The following CCDC6 variants were observed in gnomAD, a reference collection of about 807,000 sequenced individuals.
The protein encoded by CCDC6 is coiled-coil domain containing 6, also known as coiled-coil domain-containing protein 6.
Under a neutral mutation model 56.6 loss-of-function variants are expected in CCDC6, and 20 were observed. That is an observed-to-expected ratio of 0.35 (90% confidence interval 0.25 to 0.51). CCDC6 has a LOEUF of 0.51. CCDC6 is among the 20% of genes least tolerant of loss of function. The pLI is 0.95. For missense variants in CCDC6, 367 were observed against 601.1 expected, an observed-to-expected ratio of 0.61 and a Z score of 4.07; for synonymous variants, 241 against 234.4, an observed-to-expected ratio of 1.03 and a Z score of -0.26.
At chr10:59,860,488 G>A (rs1210457331) in intron 1 of CCDC6, among the ~76,000 whole-genome samples, 1 of 152,144 alleles carries the variant, frequency 6.6e-6, no homozygotes, top group African/African-American at 2.4e-5. Context: ...TGCTGAAGAA[G>A]GGGCCAGGGC....
Position 59,792,987 on chromosome 10 carries a change from G to A in CCDC6, c.1355C>T (p.Thr452Met), listed in dbSNP as rs756667785. The change falls in exon 9 of 9, where the codon ACG becomes ATG. Residue 452 changes from threonine to methionine, a missense_variant. By Grantham distance (81) the Thr-to-Met change is moderately conservative. This residue lies in a region of CCDC6 where 54 missense variants were observed against 60.0 expected (regional missense o/e 0.90). Coordinates refer to ENST00000263102, the MANE Select transcript of CCDC6 (RefSeq NM_005436.5). ...CTGCGAGGTGGCTGCTGAGGGGACCGTGGGCTGCATGGGTGGCGGAGGTGG... is the reference window on the plus strand; with the variant it reads ...CTGCGAGGTGGCTGCTGAGGGGACCATGGGCTGCATGGGTGGCGGAGGTGG... ...PPPPPPPMQP[T>M]VPSAATSQPT... 9.3e-6 allele frequency: 15 copies of A among 1,612,988 alleles called. No individual in the cohort carries two copies. The highest frequency in any genetic ancestry group is 6.7e-5 in the Admixed American group (4 of 59,950).
intron 2 of CCDC6, 58 bp from the exon 3 acceptor site, chr10:59,832,711 A>C: frequency 1.3e-6 from 2 of 1,567,816 alleles, no homozygotes; most frequent in Middle Eastern, 3.4e-4. Flanking sequence ...CCATGGAAAC[A>C]CTGGCTCCAA....
rs2071449751 is a variant in CCDC6, at chr10:59,894,780, G to A, written c.303+11342C>T. Among the ~76,000 whole-genome samples the A allele has an allele frequency of 2.0e-5, 3 of 152,100 alleles. No individual in the cohort carries two copies. The South Asian group carries it at 6.2e-4, about 32-fold the overall frequency. On this transcript the variant is annotated intron_variant, in intron 1 of 8. Coordinates refer to ENST00000263102, the MANE Select transcript of CCDC6 (RefSeq NM_005436.5). ...GAGTGGAGTAGACCAAGGCCCAACT[G>A]GAGGGCAACTGAGCCAGGAAGGGGA...
intron 1 of CCDC6, among the ~76,000 whole-genome samples, chr10:59,902,388 CTTTTTTTTTTTTTTT>C (rs35175510): frequency 2.3e-5 from 2 of 88,422 alleles, no homozygotes; most frequent in African/African-American, 4.3e-5. Context: ...AACAGTAACT[CTTTTTTTTTTTTTTT>C]TTTTTTTTGA....
At chr10:59,901,523 T>C (rs952538915) in intron 1 of CCDC6, among the ~76,000 whole-genome samples, 1 of 152,244 alleles carries the variant, frequency 6.6e-6, no homozygotes, top group African/African-American at 2.4e-5. Context: ...TATTTTTCTA[T>C]TATAACTTCA....
chr10:59,877,337 A>G (rs1371853091), intron 1 of CCDC6, among the ~76,000 whole-genome samples: 1 of 152,226 alleles, frequency 6.6e-6, no homozygotes, highest in African/African-American at 2.4e-5. Flanking sequence ...ATATGACTCA[A>G]CGTAGTACAG....
intron 1 of CCDC6, among the ~76,000 whole-genome samples, chr10:59,878,056 A>G (rs1225745020): frequency 6.6e-6 from 1 of 152,186 alleles, no homozygotes; most frequent in East Asian, 1.9e-4. Flanking sequence ...TTTCAATGGA[A>G]TAAATGGCCA....
intron 1 of CCDC6, among the ~76,000 whole-genome samples, chr10:59,889,129 G>A (rs1416102579): frequency 6.6e-6 from 1 of 152,174 alleles, no homozygotes. Flanking sequence ...ATCCCAAGAT[G>A]CTCCCCACTG....
In CCDC6 at chr10:59,800,528, G is replaced by A. The variant is rs190120846; in HGVS notation, c.1105+3892C>T. Among the ~76,000 whole-genome samples the A allele has an allele frequency of 3.3e-5, 5 of 151,920 alleles. No individual in the cohort carries two copies. The East Asian group carries it at 9.7e-4, about 29-fold the overall frequency. ...CAGTATTCCATTGAATAGACATACT[G>A]CCATTTGTTTAACTACATAACTTTT... On this transcript the variant is annotated intron_variant, in intron 7 of 8. Transcript: ENST00000263102.
intron 1 of CCDC6, among the ~76,000 whole-genome samples, chr10:59,897,620 T>C (rs1227712552): frequency 6.6e-6 from 1 of 152,194 alleles, no homozygotes; most frequent in Non-Finnish European, 1.5e-5. Context: ...AAAAGTTATC[T>C]ATATGAAACT....
intron 1 of CCDC6, among the ~76,000 whole-genome samples, chr10:59,875,273 T>A (rs1627152): frequency 0.76 from 115,069 of 151,514 alleles, 43,930 homozygotes; most frequent in East Asian, 0.89. Flanking sequence ...TGAACCTGTT[T>A]TCCAAATTTT....
At position 59,790,812 on chromosome 10, in the gene CCDC6, T is replaced by C. The variant is rs1016829008; in HGVS notation, c.*2105A>G. On this transcript the variant is annotated 3_prime_UTR_variant, in exon 9 of 9. Coordinates refer to ENST00000263102, the MANE Select transcript of CCDC6 (RefSeq NM_005436.5). ...AAGTGCTTTTTAAAAATTCAACATA[T>C]GGCAATGTTTTAATTTTTGTGCTTT... The C allele has an allele frequency of 4.7e-6, 1 of 213,740 alleles. No homozygotes were observed. The highest frequency in any genetic ancestry group is 2.3e-5 in the African/African-American group (1 of 44,326). The allele number at this position is 213,740 out of a possible 1,614,324, so 13.2% of individuals were successfully genotyped here.
chr10:59,830,976 G>A (rs928074746), intron 3 of CCDC6, among the ~76,000 whole-genome samples: 1 of 152,202 alleles, frequency 6.6e-6, no homozygotes, highest in Non-Finnish European at 1.5e-5. Context: ...TAGCTTCTGT[G>A]AGGACTTCAC....
intron 3 of CCDC6, among the ~76,000 whole-genome samples, chr10:59,819,344 G>A (rs1189625865): frequency 6.6e-6 from 1 of 152,124 alleles, no homozygotes; most frequent in East Asian, 1.9e-4. Context: ...AGGGCCTCTT[G>A]TTTTTTCAGT....
At position 59,808,124 on chromosome 10, in the gene CCDC6, C is replaced by T. The variant is rs570565809; in HGVS notation, c.848-1046G>A. Among the ~76,000 whole-genome samples the T allele has an allele frequency of 5.9e-5, 9 of 152,244 alleles. No homozygotes were observed. The South Asian group carries it at 1.5e-3, about 25-fold the overall frequency. On this transcript the variant is annotated intron_variant, in intron 5 of 8. Coordinates refer to ENST00000263102, the MANE Select transcript of CCDC6 (RefSeq NM_005436.5). ...TCTTGCTTATGACAAATACCCCTTC[C>T]TCAGGAGCTCCCCCACAAATCCAGG...
intron 1 of CCDC6, among the ~76,000 whole-genome samples, chr10:59,864,355 C>T (rs987559824): frequency 6.6e-6 from 1 of 152,200 alleles, no homozygotes; most frequent in African/African-American, 2.4e-5. Flanking sequence ...CCAAACAATC[C>T]TTTCTCGAAA....
chr10:59,801,104 G>C, intron 7 of CCDC6, among the ~76,000 whole-genome samples: 1 of 151,892 alleles, frequency 6.6e-6, no homozygotes. Flanking sequence ...CATTAACACC[G>C]CCTTTGGATG....
At chr10:59,863,088 G>A (rs373814280) in intron 1 of CCDC6, among the ~76,000 whole-genome samples, 1 of 151,984 alleles carries the variant, frequency 6.6e-6, no homozygotes, top group Non-Finnish European at 1.5e-5. Flanking sequence ...ACACAGTATG[G>A]TGTGAAAGAA....
chr10:59,875,655 T>C (rs1012917363), intron 1 of CCDC6, among the ~76,000 whole-genome samples: 9 of 152,202 alleles, frequency 5.9e-5, no homozygotes, highest in Non-Finnish European at 1.0e-4. Context: ...AGTTACAACA[T>C]GGCAAAGTTT....
Sources: allele counts gnomAD v4.1 joint callset (sites outside exome capture counted in the v4.1 genomes callset), GRCh38; gene constraint gnomAD v4.1.1; regional missense constraint gnomAD v4.1.1; transcripts MANE v1.5; gene names NCBI Gene and HGNC (gene_info 2026-07-23, HGNC 2026-07-21).